Variants in NRXN3 observed in about 807,000 individuals in gnomAD.
The protein encoded by NRXN3 is neurexin III.
Under a neutral mutation model 137.6 loss-of-function variants are expected in NRXN3, and 32 were observed. That is an observed-to-expected ratio of 0.23 (90% CI 0.18 to 0.31). The LOEUF (loss-of-function observed/expected upper bound fraction) is 0.31. NRXN3 is among the 10% of genes least tolerant of loss of function. The pLI is 1.00. For synonymous variants in NRXN3, 798 were observed against 784.5 expected, an observed-to-expected ratio of 1.02 and a Z score of -0.29; for missense variants, 1,574 against 2,062.5, an observed-to-expected ratio of 0.76 and a Z score of 4.59.
intron 7 of NRXN3, among the ~76,000 whole-genome samples, chr14:78,713,405 C>T (rs1028562319): frequency 6.6e-6 from 1 of 152,160 alleles, no homozygotes; most frequent in Non-Finnish European, 1.5e-5. Flanking sequence ...ATGGCTGAAT[C>T]CTTCTCAACA....
chr14:78,502,060 T>C (rs2095887957), intron 4 of NRXN3, among the ~76,000 whole-genome samples: 1 of 152,080 alleles, frequency 6.6e-6, no homozygotes, highest in African/African-American at 2.4e-5. Flanking sequence ...GATGTCATCA[T>C]CCCTCTTCTA....
intron 15 of NRXN3, among the ~76,000 whole-genome samples, chr14:79,161,793 G>A (rs1041599955): frequency 1.1e-4 from 16 of 151,844 alleles, no homozygotes; most frequent in African/African-American, 3.4e-4. Context: ...CGTCCTGAAC[G>A]GGTCATGCTT....
At chr14:79,590,485 C>A (rs2097794561) in intron 16 of NRXN3, among the ~76,000 whole-genome samples, 1 of 141,518 alleles carries the variant, frequency 7.1e-6, no homozygotes, top group Admixed American at 7.0e-5. Context: ...CAAAAATAAG[C>A]ACACTTTACA....
At chr14:78,731,333 T>A (rs764654820) in intron 8 of NRXN3, among the ~76,000 whole-genome samples, 9 of 151,966 alleles carry the variant, frequency 5.9e-5, no homozygotes, top group Non-Finnish European at 1.2e-4. Context: ...AGATTATGAA[T>A]CTCCATTTAA....
intron 15 of NRXN3, among the ~76,000 whole-genome samples, chr14:79,161,546 T>C (rs2060771746): frequency 6.6e-6 from 1 of 151,960 alleles, no homozygotes; most frequent in Non-Finnish European, 1.5e-5. Context: ...TTAGAAAGAT[T>C]GAAAGAAAAG....
At chr14:79,222,762 T>A (rs2070029785) in intron 15 of NRXN3, among the ~76,000 whole-genome samples, 1 of 152,134 alleles carries the variant, frequency 6.6e-6, no homozygotes, top group South Asian at 2.1e-4. Context: ...TTAATTTGCA[T>A]TTCCCCAGTG....
chr14:78,927,079 C>T (rs1319509828), intron 10 of NRXN3, among the ~76,000 whole-genome samples: 1 of 125,950 alleles, frequency 7.9e-6, no homozygotes, highest in Non-Finnish European at 1.6e-5. Context: ...CTCTTGAGCC[C>T]AGGAGGTTGA....
At chr14:78,641,566 C>T (rs1020090068) in intron 4 of NRXN3, among the ~76,000 whole-genome samples, 2 of 152,212 alleles carry the variant, frequency 1.3e-5, no homozygotes, top group African/African-American at 4.8e-5. Context: ...AAATGATATA[C>T]ATTTGCTTAT....
chr14:79,631,328 C>T (rs1174960536), intron 16 of NRXN3, among the ~76,000 whole-genome samples: 4 of 152,276 alleles, frequency 2.6e-5, no homozygotes, highest in African/African-American at 7.2e-5. Flanking sequence ...TCGCTCTTGG[C>T]GCCTCCTCGG....
chr14:78,317,492 G>A (rs2078846501), intron 4 of NRXN3, among the ~76,000 whole-genome samples: 1 of 152,216 alleles, frequency 6.6e-6, no homozygotes, highest in Non-Finnish European at 1.5e-5. Context: ...AGGTGGAACA[G>A]TTTCATCCTA....
At chr14:79,738,160 G>A (rs1177063674) in intron 19 of NRXN3, among the ~76,000 whole-genome samples, 2 of 152,130 alleles carry the variant, frequency 1.3e-5, no homozygotes, top group Non-Finnish European at 2.9e-5. Context: ...AATTTCTTAA[G>A]CTGTATATTT....
At chr14:79,274,045 T>C (rs1239586914) in intron 15 of NRXN3, among the ~76,000 whole-genome samples, 2 of 150,278 alleles carry the variant, frequency 1.3e-5, no homozygotes, top group African/African-American at 4.9e-5. Flanking sequence ...GGAGGTTGCA[T>C]TGAGCCGAGA....
chr14:78,514,575 A>G (rs1336545248), intron 4 of NRXN3, among the ~76,000 whole-genome samples: 1 of 152,202 alleles, frequency 6.6e-6, no homozygotes, highest in Non-Finnish European at 1.5e-5. Flanking sequence ...AACAAATTCA[A>G]TTTATTAAGA....
At chr14:78,395,757 ATT>A (rs919557491) in intron 4 of NRXN3, among the ~76,000 whole-genome samples, 13 of 151,022 alleles carry the variant, frequency 8.6e-5, no homozygotes, top group African/African-American at 3.2e-4. Context: ...TGTTTTTGTG[ATT>A]TTTTTTGTCC....
intron 16 of NRXN3, among the ~76,000 whole-genome samples, chr14:79,509,381 T>G (rs1306287913): frequency 6.6e-6 from 1 of 152,004 alleles, no homozygotes; most frequent in Non-Finnish European, 1.5e-5. Flanking sequence ...CCAGGCATCA[T>G]GGCGTGTGCC....
intron 15 of NRXN3, among the ~76,000 whole-genome samples, chr14:79,027,219 C>T (rs2099600142): frequency 6.6e-6 from 1 of 151,120 alleles, no homozygotes; most frequent in South Asian, 2.1e-4. Flanking sequence ...AAAGCAACAC[C>T]CTACCAGATG....
At chr14:78,551,713 T>G (rs1305616993) in intron 4 of NRXN3, among the ~76,000 whole-genome samples, 7 of 132,528 alleles carry the variant, frequency 5.3e-5, no homozygotes, top group East Asian at 5.1e-4. Context: ...CCTCCTTCCC[T>G]CCTTCCACTT....
intron 15 of NRXN3, among the ~76,000 whole-genome samples, chr14:79,307,026 G>T (rs1406652238): frequency 6.6e-6 from 1 of 152,056 alleles, no homozygotes; most frequent in African/African-American, 2.4e-5. Flanking sequence ...TCTACTTCCA[G>T]GAAATAGCTG....
At chr14:78,407,037 T>G (rs1173195439) in intron 4 of NRXN3, among the ~76,000 whole-genome samples, 22 of 152,214 alleles carry the variant, frequency 1.4e-4, no homozygotes, top group Admixed American at 1.4e-3. Flanking sequence ...TCTTAGGGAC[T>G]GGGATCCTTT....
Sources: gnomAD v4.1 joint callset for allele counts (sites outside exome capture counted in the v4.1 genomes callset) on GRCh38, gnomAD v4.1.1 for gene constraint, MANE v1.5 for transcripts, NCBI Gene and HGNC (gene_info 2026-07-23, HGNC 2026-07-21) for gene names.